Variants in GLIS3 observed in about 807,000 individuals in gnomAD.
GLIS3 encodes the protein GLIS family zinc finger 3.
In GLIS3, 53 loss-of-function variants were observed where a neutral mutation model predicts 78.6. That is an observed-to-expected ratio of 0.67 (90% CI 0.54 to 0.85). GLIS3 has a LOEUF of 0.85. Ranked by LOEUF, GLIS3 falls within the 40% of genes least tolerant of loss-of-function variation. The probability of loss-of-function intolerance (pLI) is 0.00; values close to 1 mark genes in which losing one functional copy is unlikely to be tolerated. For missense variants in GLIS3, 1,703 were observed against 1,231.1 expected, an observed-to-expected ratio of 1.38 and a Z score of -5.74; for synonymous variants, 684 against 509.9, an observed-to-expected ratio of 1.34 and a Z score of -4.60.
intron 8 of GLIS3, among the ~76,000 whole-genome samples, chr9:3,858,512 TGACTCAA>T (rs561705507): frequency 3.0e-4 from 45 of 152,322 alleles, no homozygotes; most frequent in Admixed American, 1.1e-3. Context: ...TGGCTTCAAC[TGACTCAA>T]GATTTTGCTT....
chr9:4,410,694 G>A, the GLIS3 span, among the ~76,000 whole-genome samples: 2 of 152,176 alleles, frequency 1.3e-5, no homozygotes, highest in Admixed American at 1.3e-4. Context: ...GTGATCAGGG[G>A]ACGTTGTCAA....
At chr9:3,841,783 A>G (rs776540410) in intron 9 of GLIS3, among the ~76,000 whole-genome samples, 136 of 152,354 alleles carry the variant, frequency 8.9e-4, no homozygotes, top group Non-Finnish European at 1.1e-3. Flanking sequence ...CAACTGAAAT[A>G]ATAAACACGA....
chr9:3,972,573 GT>G (rs1818459223), intron 4 of GLIS3, among the ~76,000 whole-genome samples: 1 of 151,896 alleles, frequency 6.6e-6, no homozygotes, highest in Admixed American at 6.6e-5. Flanking sequence ...TTGTTTGTTT[GT>G]TTGCTTTCTG....
At chr9:4,186,714 C>G (rs1299770960) in intron 2 of GLIS3, among the ~76,000 whole-genome samples, 1 of 152,090 alleles carries the variant, frequency 6.6e-6, no homozygotes, top group African/African-American at 2.4e-5. Flanking sequence ...GATGGTATCT[C>G]ATTGTGGTTT....
At chr9:4,200,786 G>A (rs955687906) in intron 2 of GLIS3, among the ~76,000 whole-genome samples, 3 of 152,024 alleles carry the variant, frequency 2.0e-5, no homozygotes, top group East Asian at 3.9e-4. Context: ...TAATCCTACC[G>A]AAATTATCCA....
the GLIS3 span, among the ~76,000 whole-genome samples, chr9:4,365,831 T>C: frequency 3.4e-4 from 52 of 152,354 alleles, no homozygotes; most frequent in African/African-American, 1.1e-3. Flanking sequence ...AAGTATTCAT[T>C]TGAGGTATCA....
chr9:3,933,236 C>T (rs1825721132), intron 5 of GLIS3, among the ~76,000 whole-genome samples: 1 of 151,874 alleles, frequency 6.6e-6, no homozygotes, highest in African/African-American at 2.4e-5. Flanking sequence ...AGTGCAGTGG[C>T]GCAATCTCGG....
intron 9 of GLIS3, among the ~76,000 whole-genome samples, chr9:3,836,347 G>T (rs1286705143): frequency 2.0e-5 from 3 of 152,236 alleles, no homozygotes; most frequent in Non-Finnish European, 4.4e-5. Flanking sequence ...TTTCCGCAGA[G>T]ACTATAATTT....
chr9:4,037,950 G>C (rs755491382), intron 4 of GLIS3, among the ~76,000 whole-genome samples: 1 of 129,942 alleles, frequency 7.7e-6, no homozygotes, highest in Non-Finnish European at 1.7e-5. Context: ...CAAAATCCAG[G>C]AAAGGAAAAA....
At chr9:4,485,781 C>T in the GLIS3 span, among the ~76,000 whole-genome samples, 11 of 149,478 alleles carry the variant, frequency 7.4e-5, no homozygotes, top group Non-Finnish European at 1.6e-4. Context: ...AGTGCAATGT[C>T]GCAATCTCAG....
chr9:4,304,477 C>T (rs1817176807), upstream of GLIS3, among the ~76,000 whole-genome samples: 1 of 152,088 alleles, frequency 6.6e-6, no homozygotes, highest in Admixed American at 6.5e-5. Flanking sequence ...CTCCAGTGAC[C>T]CTCTCCTGTC....
At chr9:4,324,749 G>C (rs1028788453) in intron 2 of GLIS3, among the ~76,000 whole-genome samples, 3 of 152,144 alleles carry the variant, frequency 2.0e-5, no homozygotes, top group Non-Finnish European at 2.9e-5. Context: ...TAAATCACTT[G>C]ATTTGCTTTG....
At chr9:3,874,531 A>C (rs1419548039) in intron 8 of GLIS3, among the ~76,000 whole-genome samples, 6 of 152,230 alleles carry the variant, frequency 3.9e-5, no homozygotes, top group African/African-American at 1.2e-4. Flanking sequence ...ATTTGTAGTC[A>C]GTTTGTCAGA....
intron 8 of GLIS3, among the ~76,000 whole-genome samples, chr9:3,863,931 A>G (rs1223740672): frequency 6.6e-6 from 1 of 152,222 alleles, no homozygotes; most frequent in African/African-American, 2.4e-5. Context: ...CGGGTATGTC[A>G]GAGAAATGAA....
At chr9:4,041,395 C>T (rs1244266557) in intron 4 of GLIS3, among the ~76,000 whole-genome samples, 2 of 152,144 alleles carry the variant, frequency 1.3e-5, no homozygotes, top group African/African-American at 4.8e-5. Flanking sequence ...TTTTGAGAAG[C>T]CTTGCTTTAG....
chr9:4,287,644 C>G (rs1828115964), intron 1 of GLIS3, among the ~76,000 whole-genome samples: 1 of 152,138 alleles, frequency 6.6e-6, no homozygotes, highest in African/African-American at 2.4e-5. Flanking sequence ...ACCAGATATC[C>G]TCAAGTGGAT....
rs74805155 is a variant in GLIS3, at chr9:4,185,039, T to C, written c.389-59098A>G. Among the ~76,000 whole-genome samples, 1,487 of 152,334 alleles carry C rather than the reference T, an allele frequency of 9.8e-3. 24 individuals carry two copies. The highest frequency in any genetic ancestry group is 0.034 in the African/African-American group (1,430 of 41,574). On this transcript the variant is annotated intron_variant, in intron 2 of 10. Coordinates refer to ENST00000381971, the MANE Select transcript of GLIS3 (RefSeq NM_001042413.2). Reference sequence around the variant, plus strand: ...ACTTATCAAGTTGTATAACTATCACTGTAACCTAAGATTAGACCATTGCCA... The same window carrying C: ...ACTTATCAAGTTGTATAACTATCACCGTAACCTAAGATTAGACCATTGCCA...
chr9:4,365,195 A>C, the GLIS3 span, among the ~76,000 whole-genome samples: 1 of 152,156 alleles, frequency 6.6e-6, no homozygotes, highest in African/African-American at 2.4e-5. Flanking sequence ...GGTAGTTGGA[A>C]TAGAGATGGC....
At chr9:3,985,278 G>C (rs1409969708) in intron 4 of GLIS3, among the ~76,000 whole-genome samples, 1 of 152,094 alleles carries the variant, frequency 6.6e-6, no homozygotes, top group African/African-American at 2.4e-5. Context: ...GAGTAGCTGG[G>C]ACCACAGGTG....
Sources: allele counts gnomAD v4.1 joint callset (sites outside exome capture counted in the v4.1 genomes callset), GRCh38; gene constraint gnomAD v4.1.1; transcripts MANE v1.5; gene names NCBI Gene and HGNC (gene_info 2026-07-23, HGNC 2026-07-21).